The following LARGE1 variants were observed in gnomAD, a reference collection of about 807,000 sequenced individuals.
LARGE1 encodes xylosyl- and glucuronyltransferase LARGE1.
LARGE1 carries 43 observed loss-of-function variants against 87.6 expected under a neutral mutation model. That is an observed-to-expected ratio of 0.49 (90% CI 0.38 to 0.63). LARGE1 has a LOEUF of 0.63. LARGE1 is among the 30% of genes least tolerant of loss of function. The pLI is 0.00. For missense variants in LARGE1, 802 were observed against 1,000.2 expected (o/e 0.80, Z 2.67); for synonymous variants, 434 against 394.6 (o/e 1.10, Z -1.18).
intron 3 of LARGE1, among the ~76,000 whole-genome samples, chr22:33,631,618 G>A (rs918765001): frequency 1.3e-5 from 2 of 152,098 alleles, no homozygotes; most frequent in African/African-American, 2.4e-5. Context: ...GTCATCTCCT[G>A]CGACAGCAAG....
At chr22:33,590,404 T>C (rs948873213) in intron 5 of LARGE1, among the ~76,000 whole-genome samples, 2 of 152,254 alleles carry the variant, frequency 1.3e-5, no homozygotes, top group Non-Finnish European at 2.9e-5. Context: ...AGTATGTTTA[T>C]GCATTCTTCG....
chr22:33,773,365 A>G (rs1223790473), intron 1 of LARGE1, among the ~76,000 whole-genome samples: 1 of 152,232 alleles, frequency 6.6e-6, no homozygotes, highest in East Asian at 1.9e-4. Flanking sequence ...AAGGACCACA[A>G]GGGTCCACTC....
chr22:33,665,188 A>C (rs1425440930), intron 2 of LARGE1, among the ~76,000 whole-genome samples: 2 of 152,208 alleles, frequency 1.3e-5, no homozygotes, highest in Non-Finnish European at 2.9e-5. Flanking sequence ...TCCTGAGGCC[A>C]CAGTGTTTCT....
intron 1 of LARGE1, among the ~76,000 whole-genome samples, chr22:33,789,913 G>A (rs761066165): frequency 6.6e-6 from 1 of 152,258 alleles, no homozygotes; most frequent in African/African-American, 2.4e-5. Context: ...TTTGGACTGT[G>A]GACTTTTGAG....
intron 9 of LARGE1, among the ~76,000 whole-genome samples, chr22:33,362,184 A>G (rs1287905106): frequency 6.7e-6 from 1 of 148,922 alleles, no homozygotes; most frequent in East Asian, 1.9e-4. Flanking sequence ...GGGAAGGCTG[A>G]GTTATCAAGC....
intron 2 of LARGE1, among the ~76,000 whole-genome samples, chr22:33,758,646 C>CA (rs1359206974): frequency 6.6e-6 from 1 of 152,176 alleles, no homozygotes; most frequent in African/African-American, 2.4e-5. Flanking sequence ...TGAAATTGCT[C>CA]AAAGTTAGTG....
chr22:33,457,592 C>A (rs2068190818), intron 6 of LARGE1, among the ~76,000 whole-genome samples: 1 of 151,614 alleles, frequency 6.6e-6, no homozygotes, highest in Admixed American at 6.6e-5. Context: ...CATGTATATG[C>A]CTAAGAGACA....
chr22:33,177,492 C>A, intron 11 of LARGE1, among the ~76,000 whole-genome samples: 1 of 151,760 alleles, frequency 6.6e-6, no homozygotes, highest in African/African-American at 2.4e-5. Context: ...TATCTCCTGC[C>A]TCAAGTAACA....
intron 3 of LARGE1, among the ~76,000 whole-genome samples, chr22:33,629,214 G>A (rs1286668247): frequency 6.6e-6 from 1 of 152,138 alleles, no homozygotes; most frequent in Non-Finnish European, 1.5e-5. Context: ...TGAGGGAAAT[G>A]AATAGGAAAA....
chr22:33,303,101 A>C (rs1934384865), intron 12 of LARGE1, among the ~76,000 whole-genome samples: 1 of 152,220 alleles, frequency 6.6e-6, no homozygotes, highest in Non-Finnish European at 1.5e-5. Context: ...CCTTTGGGCC[A>C]TATGACTTCC....
intron 9 of LARGE1, among the ~76,000 whole-genome samples, chr22:33,352,389 T>C (rs768560212): frequency 6.6e-6 from 1 of 152,148 alleles, no homozygotes; most frequent in Non-Finnish European, 1.5e-5. Context: ...TGAAATACAA[T>C]GAAAGCTTGA....
chr22:33,232,863 A>G (rs1926076742), intron 11 of LARGE1, among the ~76,000 whole-genome samples: 1 of 152,186 alleles, frequency 6.6e-6, no homozygotes, highest in Non-Finnish European at 1.5e-5. Flanking sequence ...TAGTGCTTCA[A>G]AATGATGGAG....
chr22:33,414,056 C>T (rs2066403089), intron 7 of LARGE1, among the ~76,000 whole-genome samples: 1 of 152,026 alleles, frequency 6.6e-6, no homozygotes, highest in Admixed American at 6.6e-5. Flanking sequence ...GATATATACC[C>T]AGGAGTGGGA....
At chr22:33,560,706 G>A (rs1408758722) in intron 6 of LARGE1, among the ~76,000 whole-genome samples, 1 of 152,142 alleles carries the variant, frequency 6.6e-6, no homozygotes, top group East Asian at 1.9e-4. Flanking sequence ...TCCTGGGTCA[G>A]TGGACAGAGC....
intron 1 of LARGE1, among the ~76,000 whole-genome samples, chr22:33,877,704 C>T (rs2064511170): frequency 6.6e-6 from 1 of 152,042 alleles, no homozygotes. Context: ...GGGGGGATCA[C>T]TTGAGGTCAC....
At chr22:33,470,751 T>C (rs1208296434) in intron 6 of LARGE1, among the ~76,000 whole-genome samples, 1 of 152,214 alleles carries the variant, frequency 6.6e-6, no homozygotes, top group Non-Finnish European at 1.5e-5. Context: ...CCCATTCTGG[T>C]CTGGCCCACA....
At chr22:33,313,542 T>C (rs1016683971) in intron 11 of LARGE1, among the ~76,000 whole-genome samples, 4 of 152,142 alleles carry the variant, frequency 2.6e-5, no homozygotes, top group Non-Finnish European at 5.9e-5. Context: ...GAATATCACA[T>C]TGTGATCATG....
intron 6 of LARGE1, among the ~76,000 whole-genome samples, chr22:33,548,841 T>C (rs574743076): frequency 9.2e-5 from 14 of 152,218 alleles, no homozygotes; most frequent in Non-Finnish European, 2.1e-4. Flanking sequence ...TGGGTAATCT[T>C]CTCTTTTATC....
chr22:33,809,827 C>T (rs2086435795), intron 1 of LARGE1, among the ~76,000 whole-genome samples: 1 of 151,686 alleles, frequency 6.6e-6, no homozygotes, highest in African/African-American at 2.4e-5. Context: ...AATTGGGGTG[C>T]TAAATTTTCA....
Sources: gnomAD v4.1 joint callset for allele counts (sites outside exome capture counted in the v4.1 genomes callset) on GRCh38, gnomAD v4.1.1 for gene constraint, MANE v1.5 for transcripts, NCBI Gene and HGNC (gene_info 2026-07-23, HGNC 2026-07-21) for gene names.